XPR1: variants seen among roughly 807,000 people sequenced by gnomAD.
XPR1 encodes the protein solute carrier family 53 member 1.
In XPR1, 28 loss-of-function variants were observed where a neutral mutation model predicts 87.5. The observed-to-expected ratio is 0.32, with a 90% CI of 0.24 to 0.44. XPR1 has a LOEUF of 0.44. Among genes scored for constraint, XPR1 ranks in the 20% least tolerant of loss-of-function variants. The pLI is 1.00. For synonymous variants in XPR1, 300 were observed against 306.1 expected (o/e 0.98, Z 0.21); for missense variants, 559 against 862.3 (o/e 0.65, Z 4.41).
intron 3 of XPR1, among the ~76,000 whole-genome samples, chr1:180,793,257 T>C (rs1182208581): frequency 6.6e-6 from 1 of 152,178 alleles, no homozygotes; most frequent in East Asian, 1.9e-4. Context: ...GTTATTCCTG[T>C]TATTCCTGTA....
chr1:180,874,977 A>T (rs1379726831), intron 13 of XPR1, among the ~76,000 whole-genome samples: 1 of 152,258 alleles, frequency 6.6e-6, no homozygotes, highest in Admixed American at 6.5e-5. Flanking sequence ...ATAACGGGTC[A>T]GTTAATTAAT....
intron 1 of XPR1, among the ~76,000 whole-genome samples, chr1:180,675,148 A>T (rs1023782394): frequency 1.3e-5 from 2 of 152,194 alleles, no homozygotes; most frequent in African/African-American, 4.8e-5. Flanking sequence ...CAAGTTTAAG[A>T]CATGCCTGGA....
At chr1:180,732,124 C>T (rs1466581481) in intron 2 of XPR1, among the ~76,000 whole-genome samples, 1 of 144,880 alleles carries the variant, frequency 6.9e-6, no homozygotes, top group African/African-American at 2.6e-5. Context: ...ACTCTGGAGG[C>T]GGAGGTTGCA....
At chr1:180,689,435 A>T (rs1656906019) in intron 2 of XPR1, among the ~76,000 whole-genome samples, 1 of 152,210 alleles carries the variant, frequency 6.6e-6, no homozygotes, top group Non-Finnish European at 1.5e-5. Context: ...CTTGTTAGAA[A>T]AAAGCAAATT....
At chr1:180,758,330 C>T (rs931436479) in intron 2 of XPR1, among the ~76,000 whole-genome samples, 1 of 151,854 alleles carries the variant, frequency 6.6e-6, no homozygotes, top group Non-Finnish European at 1.5e-5. Context: ...TTGTGGTTAC[C>T]AGAGACGGGG....
intron 2 of XPR1, among the ~76,000 whole-genome samples, chr1:180,771,480 A>G (rs79331675): frequency 0.22 from 34,059 of 152,050 alleles, 3,924 homozygotes; most frequent in Middle Eastern, 0.28. Flanking sequence ...ATGTTGGTAT[A>G]GTATTACTGA....
chr1:180,854,678 G>A (rs1287317535), intron 11 of XPR1, among the ~76,000 whole-genome samples: 2 of 152,212 alleles, frequency 1.3e-5, no homozygotes, highest in African/African-American at 4.8e-5. Context: ...TGAGGTTGGG[G>A]AAGAAATCTT....
At position 180,884,602 on chromosome 1, in the gene XPR1, T is replaced by C. The variant is rs1363217934; in HGVS notation, c.*536T>C. The C allele has an allele frequency of 6.5e-6, 1 of 152,688 alleles. No homozygotes were observed. Among genetic ancestry groups the C allele is most frequent in the Non-Finnish European group, 1.5e-5 (1 of 68,062 alleles). 9.5% of individuals were successfully genotyped at this position (152,688 alleles called of 1,614,324 possible). On this transcript the variant is annotated 3_prime_UTR_variant, in exon 15 of 15. Transcript: ENST00000367590. The stretch of plus-strand genomic sequence containing the variant: ...GCAGTACCTTCATTCATGAAGCTAC[T>C]TTTTAATTTGATGTAACTTTTCTTA...
At chr1:180,780,859 A>G (rs1046698144) in intron 2 of XPR1, among the ~76,000 whole-genome samples, 1 of 151,440 alleles carries the variant, frequency 6.6e-6, no homozygotes, top group African/African-American at 2.4e-5. Flanking sequence ...GGGTTTGCAA[A>G]TGTTTTCTCC....
At chr1:180,693,702 C>T (rs1466517033) in intron 2 of XPR1, among the ~76,000 whole-genome samples, 10 of 152,132 alleles carry the variant, frequency 6.6e-5, no homozygotes, top group Non-Finnish European at 1.2e-4. Flanking sequence ...GCTTTCTTGG[C>T]TTGTGGCCAC....
intron 2 of XPR1, among the ~76,000 whole-genome samples, chr1:180,752,562 G>A (rs1331297273): frequency 4.0e-5 from 6 of 151,894 alleles, no homozygotes; most frequent in African/African-American, 1.2e-4. Context: ...TCCCTACCAC[G>A]TTTCTTTGGA....
At chr1:180,856,639 G>A (rs1652042549) in intron 11 of XPR1, among the ~76,000 whole-genome samples, 1 of 152,132 alleles carries the variant, frequency 6.6e-6, no homozygotes, top group African/African-American at 2.4e-5. Flanking sequence ...CACTCACCCA[G>A]GTTAAAAACT....
intron 2 of XPR1, among the ~76,000 whole-genome samples, chr1:180,713,533 A>G (rs1326966322): frequency 6.6e-6 from 1 of 152,146 alleles, no homozygotes; most frequent in Non-Finnish European, 1.5e-5. Context: ...AATGTTGGGT[A>G]GAAGTGGTGT....
Position 180,873,920 on chromosome 1 carries a change from T to C in XPR1, c.1786T>C (p.Phe596Leu). The change falls in exon 13 of 15, where the codon TTT becomes CTT. Residue 596 changes from phenylalanine to leucine, a missense_variant. Around this residue, in one of 7 missense-constraint regions of XPR1, gnomAD observed 264 missense variants for 377.2 expected, o/e 0.70. Coordinates refer to ENST00000367590, the MANE Select transcript of XPR1 (RefSeq NM_004736.4). ...TTCTGGGGACATCATTGCTACTGTC[T>C]TTGCCCCACTTGAGGTTTTCCGGTA... ...PHSGDIIATV[F>L]APLEVFRRFV... 6.2e-7 allele frequency: 1 copy of C among 1,613,708 alleles called. No individual in the cohort carries two copies. Among genetic ancestry groups the C allele is most frequent in the East Asian group, 2.2e-5 (1 of 44,870 alleles).
At chr1:180,714,459 C>T (rs904674451) in intron 2 of XPR1, among the ~76,000 whole-genome samples, 11 of 150,182 alleles carry the variant, frequency 7.3e-5, no homozygotes, top group African/African-American at 1.2e-4. Flanking sequence ...GGCTGGAGTG[C>T]GGTGGCACAA....
chr1:180,789,190 C>G (rs1649288197), intron 3 of XPR1, among the ~76,000 whole-genome samples: 1 of 152,188 alleles, frequency 6.6e-6, no homozygotes, highest in Non-Finnish European at 1.5e-5. Flanking sequence ...CAGTATTGTT[C>G]TATTTCTGCC....
intron 11 of XPR1, among the ~76,000 whole-genome samples, chr1:180,851,869 G>A (rs916282430): frequency 6.6e-6 from 1 of 151,912 alleles, no homozygotes. Flanking sequence ...AGTAAATAAG[G>A]ATCTATATGG....
rs904747168 is a variant in XPR1, at chr1:180,885,369, T to C, written c.*1303T>C. ...CATGCCATCCCATAGAAAACCTGTT[T>C]TAAAATTTTAGGGATCTTTACTTGG... On this transcript the variant is annotated 3_prime_UTR_variant, in exon 15 of 15. Transcript: ENST00000367590. The C allele has an allele frequency of 5.9e-5, 9 of 152,596 alleles. No individual in the cohort carries two copies. The highest frequency in any genetic ancestry group is 1.0e-4 in the Non-Finnish European group (7 of 68,046). 9.5% of individuals were successfully genotyped at this position (152,596 alleles called of 1,614,324 possible). A position where few individuals can be genotyped will look rare whatever the true frequency, so the allele number is the denominator to read the frequency against.
chr1:180,703,109 C>T (rs1042064254), intron 2 of XPR1, among the ~76,000 whole-genome samples: 1 of 152,042 alleles, frequency 6.6e-6, no homozygotes, highest in African/African-American at 2.4e-5. Context: ...TTAGTGAAGG[C>T]TGTTTGAGGC....
Sources: allele counts gnomAD v4.1 joint callset (sites outside exome capture counted in the v4.1 genomes callset), GRCh38; gene constraint gnomAD v4.1.1; regional missense constraint gnomAD v4.1.1; transcripts MANE v1.5; gene names NCBI Gene and HGNC (gene_info 2026-07-23, HGNC 2026-07-21).